ACKR2: variants seen among roughly 807,000 people sequenced by gnomAD.
ACKR2 encodes the protein C-C chemokine receptor D6.
For synonymous variants in ACKR2, 207 were observed against 192.2 expected (o/e 1.08, Z -0.64); for missense variants, 457 against 477.3 (o/e 0.96, Z 0.40).
rs767623264 is a variant in ACKR2 at position 42,865,348 on chromosome 3, G to A, written c.846G>A (p.Gly282=). ...LHTLLDLQVF[G]NCEVSQHLDY... ...CGCTGTTGGACCTGCAAGTATTCGG[G>A]AACTGTGAGGTCAGCCAGCATCTAG... The change falls in exon 3 of 3, where the codon GGG becomes GGA. Residue 282 remains glycine (G), a synonymous_variant. Coordinates refer to ENST00000422265, the MANE Select transcript of ACKR2 (RefSeq NM_001296.5). 16 of 1,614,050 alleles carry A rather than the reference G, an allele frequency of 9.9e-6. No homozygotes were observed. The South Asian group carries it at 1.1e-4, about 11-fold the overall frequency.
intron 2 of ACKR2, among the ~76,000 whole-genome samples, chr3:42,862,459 C>T (rs931494210): frequency 9.2e-5 from 14 of 152,120 alleles, no homozygotes; most frequent in Admixed American, 2.6e-4. Flanking sequence ...AGATTCAATG[C>T]TATCCCCATC....
intron 2 of ACKR2, among the ~76,000 whole-genome samples, chr3:42,842,430 G>A (rs1277904451): frequency 6.6e-6 from 1 of 152,144 alleles, no homozygotes; most frequent in Non-Finnish European, 1.5e-5. Context: ...GTGGTAGAGG[G>A]ATGTGGCAAA....
At chr3:42,851,652 C>T (rs989089731) in intron 2 of ACKR2, among the ~76,000 whole-genome samples, 1 of 152,188 alleles carries the variant, frequency 6.6e-6, no homozygotes, top group South Asian at 2.1e-4. Context: ...GGTCTTCTGA[C>T]CTCTTTCCCT....
rs1312050526 is a variant in ACKR2, at chr3:42,865,615, G to A, written c.1113G>A (p.Glu371=). Residue 371 remains glutamate (E), a synonymous_variant, in exon 3 of 3, where the codon GAG becomes GAA. Coordinates refer to ENST00000422265, the MANE Select transcript of ACKR2 (RefSeq NM_001296.5). ...ATGACCTTGGAGAGAGGCAGTCTGA[G>A]AACTACCCTAACAAGGAGGATGTGG... ...GMNDLGERQS[E]NYPNKEDVGN... 1.9e-6 allele frequency: 3 copies of A among 1,613,756 alleles called. No individual in the cohort carries two copies. The highest frequency in any genetic ancestry group is 2.5e-6 in the Non-Finnish European group (3 of 1,179,910).
intron 2 of ACKR2, among the ~76,000 whole-genome samples, chr3:42,831,700 T>C (rs1055217645): frequency 6.6e-6 from 1 of 152,254 alleles, no homozygotes; most frequent in Non-Finnish European, 1.5e-5. Flanking sequence ...AGTACTTTTG[T>C]AAGTAGTCTC....
intron 2 of ACKR2, among the ~76,000 whole-genome samples, chr3:42,828,101 T>TTTTTTTTC (rs1381735003): frequency 7.6e-5 from 11 of 144,646 alleles, no homozygotes; most frequent in South Asian, 6.6e-4. Flanking sequence ...TATTTTTTTT[T>TTTTTTTTC]TTTTCTTTTC....
At chr3:42,856,355 C>T (rs1346514144) in intron 2 of ACKR2, 4 of 702,230 alleles carry the variant, frequency 5.7e-6, no homozygotes, top group Non-Finnish European at 7.8e-6. Flanking sequence ...TCCAGGGCTC[C>T]CTCAGGAGAG....
At chr3:42,841,016 G>C (rs932351777) in intron 2 of ACKR2, among the ~76,000 whole-genome samples, 3 of 152,132 alleles carry the variant, frequency 2.0e-5, no homozygotes, top group African/African-American at 7.2e-5. Flanking sequence ...TTTGTGCCAT[G>C]GCCCCCACCC....
Position 42,852,188 on chromosome 3 carries a change from G to C in ACKR2, c.-37-12278G>C, listed in dbSNP as rs1701167610. Among the ~76,000 whole-genome samples the C allele has an allele frequency of 6.6e-6, 1 of 152,198 alleles. No homozygotes were observed. Among genetic ancestry groups the C allele is most frequent in the African/African-American group, 2.4e-5 (1 of 41,446 alleles). On this transcript the variant is annotated intron_variant, in intron 2 of 2. Transcript: ENST00000422265. This position sits in a 1 kb window ranked among gnomAD's most constrained non-coding sequence, Gnocchi z 4.3. ...AAGTGAGTTAAGCTATATTCTGTCT[G>C]TTCTACCCTGCCTATTCTGTCTATT...
intron 2 of ACKR2, among the ~76,000 whole-genome samples, chr3:42,842,097 G>A (rs1318307717): frequency 6.6e-6 from 1 of 152,198 alleles, no homozygotes; most frequent in Non-Finnish European, 1.5e-5. Context: ...CCACAGTGAT[G>A]GCACTGATTG....
chr3:42,848,215 T>A (rs1469336884), intron 2 of ACKR2, among the ~76,000 whole-genome samples: 4,037 of 114,254 alleles, frequency 0.035, 25 homozygotes, highest in South Asian at 0.084. Context: ...AAAAAAAAAT[T>A]TTTTTTTTTT....
intron 2 of ACKR2, among the ~76,000 whole-genome samples, chr3:42,820,476 C>T (rs1700797659): frequency 6.6e-6 from 1 of 151,466 alleles, no homozygotes; most frequent in African/African-American, 2.4e-5. Flanking sequence ...GCCTGTAGTC[C>T]CAGCTATTCT....
At position 42,864,450 on chromosome 3, in the gene ACKR2, T is replaced by A. The variant is rs2088412968; in HGVS notation, c.-37-16T>A. The A allele has an allele frequency of 3.3e-6, 5 of 1,536,768 alleles. No individual in the cohort carries two copies. Among genetic ancestry groups the A allele is most frequent in the Non-Finnish European group, 4.4e-6 (5 of 1,145,186 alleles). On this transcript the variant is annotated splice_polypyrimidine_tract_variant and intron_variant, in intron 2 of 2. Coordinates refer to ENST00000422265, the MANE Select transcript of ACKR2 (RefSeq NM_001296.5). Reference sequence around the variant, plus strand: ...AGGTAGAGAATGCTAGGTCTCACCATATTTTCCCCCCGCAGCACTACAGGA... The same window carrying A: ...AGGTAGAGAATGCTAGGTCTCACCAAATTTTCCCCCCGCAGCACTACAGGA...
At position 42,852,983 on chromosome 3, in the gene ACKR2, G is replaced by C. The variant is rs1310941039; in HGVS notation, c.-37-11483G>C. Among the ~76,000 whole-genome samples, 3 of 152,194 alleles carry C rather than the reference G, an allele frequency of 2.0e-5. No homozygotes were observed. Among genetic ancestry groups the C allele is most frequent in the Non-Finnish European group, 2.9e-5 (2 of 68,042 alleles). ...TGGCCCTGGATTTCCTGGGAAACTA[G>C]AGAGGCGATACCTGTTCACCCCTTC... On this transcript the variant is annotated intron_variant, in intron 2 of 2. Coordinates refer to ENST00000422265, the MANE Select transcript of ACKR2 (RefSeq NM_001296.5). The surrounding 1 kb of genome is among the most constrained non-coding windows in gnomAD (Gnocchi z 4.3).
At position 42,845,861 on chromosome 3, in the gene ACKR2, A is replaced by G. The variant is rs529310179; in HGVS notation, c.-37-18605A>G. Reference sequence around the variant, plus strand: ...AAGACTCCGTCTCAAAAAAAAAAAAAAAAAGAAAAAAGAAAAAAAGAAAAC... The same window carrying G: ...AAGACTCCGTCTCAAAAAAAAAAAAGAAAAGAAAAAAGAAAAAAAGAAAAC... On this transcript the variant is annotated intron_variant, in intron 2 of 2. Coordinates refer to ENST00000422265, the MANE Select transcript of ACKR2 (RefSeq NM_001296.5). Among the ~76,000 whole-genome samples the G allele has an allele frequency of 4.0e-4, 60 of 151,670 alleles. 1 individual carries two copies. Among genetic ancestry groups the G allele is most frequent in the South Asian group, 2.9e-3 (14 of 4,808 alleles).
At chr3:42,812,711 G>C (rs1199590176) in intron 1 of ACKR2, among the ~76,000 whole-genome samples, 1 of 55,478 alleles carries the variant, frequency 1.8e-5, no homozygotes, top group East Asian at 1.0e-3. Context: ...TTTTGAGATG[G>C]AGTCTGACTC....
Position 42,864,592 on chromosome 3 carries a change from A to T in ACKR2, c.90A>T (p.Glu30Asp). ...TCTATTACTATGACTACCTGGATGA[A>T]GTGGCCTTCATGCTCTGCAGGAAGG... ...SSFYYYDYLD[E>D]VAFMLCRKDA... is the part of the protein sequence containing the mutation. Residue 30 changes from glutamate (E) to aspartate (D), a missense_variant, in exon 3 of 3, where the codon GAA becomes GAT. Physicochemically the swap from Glu to Asp is conservative, Grantham distance 45 (BLOSUM62 2). Coordinates refer to ENST00000422265, the MANE Select transcript of ACKR2 (RefSeq NM_001296.5). The T allele has an allele frequency of 6.2e-7, 1 of 1,614,184 alleles. No individual in the cohort carries two copies. The highest frequency in any genetic ancestry group is 8.5e-7 in the Non-Finnish European group (1 of 1,180,032).
intron 2 of ACKR2, among the ~76,000 whole-genome samples, chr3:42,860,189 A>AG (rs2088370140): frequency 8.1e-5 from 9 of 111,520 alleles, no homozygotes; most frequent in African/African-American, 2.6e-4. Context: ...AAAAAAAAAA[A>AG]GCAGGGGATG....
chr3:42,832,733 G>A (rs547113481), intron 2 of ACKR2, among the ~76,000 whole-genome samples: 12 of 152,060 alleles, frequency 7.9e-5, no homozygotes, highest in African/African-American at 2.4e-4. Flanking sequence ...TCTCACTGTC[G>A]ACCAGGCTGG....
Sources: gnomAD v4.1 joint callset for allele counts (sites outside exome capture counted in the v4.1 genomes callset) on GRCh38, gnomAD v4.1.1 for gene constraint, Gnocchi (gnomAD v3.1) non-coding constraint, MANE v1.5 for transcripts, NCBI Gene and HGNC (gene_info 2026-07-23, HGNC 2026-07-21) for gene names.